Variants in GNG12 observed in about 807,000 individuals in gnomAD.
GNG12 encodes the protein G protein subunit gamma 12.
For synonymous variants in GNG12, 28 were observed against 29.7 expected, an observed-to-expected ratio of 0.94 and a Z score of 0.19; for missense variants, 69 against 83.8, an observed-to-expected ratio of 0.82 and a Z score of 0.69.
At chr1:67,745,939 C>A (rs1646504813) in intron 2 of GNG12, among the ~76,000 whole-genome samples, 1 of 152,146 alleles carries the variant, frequency 6.6e-6, no homozygotes, top group Non-Finnish European at 1.5e-5. Context: ...TACTTATTGA[C>A]CGAATTTGTG....
At chr1:67,712,818 C>T in intron 2 of GNG12, among the ~76,000 whole-genome samples, 1 of 147,796 alleles carries the variant, frequency 6.8e-6, no homozygotes, top group East Asian at 2.0e-4. Flanking sequence ...AGTGAATGCT[C>T]TACCATGTGG....
intron 1 of GNG12, among the ~76,000 whole-genome samples, chr1:67,820,596 TTAC>T (rs1172006275): frequency 6.6e-6 from 1 of 152,190 alleles, no homozygotes; most frequent in Non-Finnish European, 1.5e-5. Flanking sequence ...CAATGTGGTA[TTAC>T]CAGAGGCTGT....
chr1:67,763,106 A>AGAGAGG lies in GNG12; in HGVS notation c.-27+14351_-27+14352insCCTCTC, dbSNP rs1553157331. Among the ~76,000 whole-genome samples the AGAGAGG allele has an allele frequency of 6.1e-3, 922 of 151,174 alleles. 11 individuals carry two copies. The highest frequency in any genetic ancestry group is 0.021 in the African/African-American group (880 of 41,062). On this transcript the variant is annotated intron_variant, in intron 2 of 3. Transcript: ENST00000370982. ...ACCCTCCCAGGAGAGAGAGAGAGAG[A>AGAGAGG]GAGAGAGAGAGAGAATCAATATGAA...
intron 1 of GNG12, among the ~76,000 whole-genome samples, chr1:67,806,594 G>C (rs1444573845): frequency 6.6e-6 from 1 of 151,958 alleles, no homozygotes; most frequent in Non-Finnish European, 1.5e-5. Context: ...TAAAGGGATA[G>C]AGAAAGACAT....
chr1:67,787,049 G>A (rs183828817), intron 1 of GNG12, among the ~76,000 whole-genome samples: 1 of 149,280 alleles, frequency 6.7e-6, no homozygotes, highest in Non-Finnish European at 1.5e-5. Flanking sequence ...GTGTGTGTGT[G>A]TGTGTGTGTG....
chr1:67,790,956 A>G (rs1646798865), intron 1 of GNG12, among the ~76,000 whole-genome samples: 1 of 152,136 alleles, frequency 6.6e-6, no homozygotes, highest in African/African-American at 2.4e-5. Flanking sequence ...TCCCACAAGG[A>G]TTATTTCTTT....
intron 1 of GNG12, among the ~76,000 whole-genome samples, chr1:67,812,859 T>C (rs17130309): frequency 0.33 from 49,631 of 152,154 alleles, 8,337 homozygotes; most frequent in Middle Eastern, 0.5. Flanking sequence ...CTGTCCTTCA[T>C]TGCAGAACGT....
At chr1:67,713,191 T>C (rs1490463095) in intron 2 of GNG12, among the ~76,000 whole-genome samples, 1 of 152,230 alleles carries the variant, frequency 6.6e-6, no homozygotes, top group Non-Finnish European at 1.5e-5. Context: ...CTGCAGATCT[T>C]GAGCCACCAA....
intron 2 of GNG12, among the ~76,000 whole-genome samples, chr1:67,769,816 ACACACT>A (rs3835468): frequency 0.1 from 15,863 of 151,984 alleles, 905 homozygotes; most frequent in African/African-American, 0.15. Context: ...GCACGCACAC[ACACACT>A]CACACTCACA....
At chr1:67,738,498 C>G (rs1378080212) in intron 2 of GNG12, among the ~76,000 whole-genome samples, 1 of 152,214 alleles carries the variant, frequency 6.6e-6, no homozygotes, top group Non-Finnish European at 1.5e-5. Flanking sequence ...CTCTGTTTAT[C>G]TCCAGCTTCA....
At chr1:67,807,567 G>A (rs1646900796) in intron 1 of GNG12, among the ~76,000 whole-genome samples, 1 of 151,634 alleles carries the variant, frequency 6.6e-6, no homozygotes, top group South Asian at 2.1e-4. Context: ...AAATTGATAA[G>A]CATCTAGTGA....
intron 2 of GNG12, among the ~76,000 whole-genome samples, chr1:67,747,241 T>A (rs149429935): frequency 4.9e-3 from 751 of 152,316 alleles, no homozygotes; most frequent in Middle Eastern, 0.024. Context: ...TGCCTCAATC[T>A]CCTGAGTAGC....
rs536363463 is a variant in GNG12 at position 67,702,597 on chromosome 1, C to T, written c.*2854G>A. On this transcript the variant is annotated 3_prime_UTR_variant, in exon 4 of 4. Transcript: ENST00000370982. The stretch of plus-strand genomic sequence containing the variant: ...AAGGTAAATGATTTTAAAAACCTGA[C>T]ATTTTTTAGAAGAAAAAAAAAAACT... 52 of 150,176 alleles carry T rather than the reference C, an allele frequency of 3.5e-4. No homozygotes were observed. The highest frequency in any genetic ancestry group is 1.0e-3 in the African/African-American group (41 of 40,502). The allele number at this position is 150,176 out of a possible 1,614,324, so 9.3% of individuals were successfully genotyped here. A position where few individuals can be genotyped will look rare whatever the true frequency, so the allele number is the denominator to read the frequency against.
intron 2 of GNG12, among the ~76,000 whole-genome samples, chr1:67,736,409 C>A (rs953705948): frequency 1.1e-4 from 16 of 152,190 alleles, no homozygotes; most frequent in African/African-American, 3.6e-4. Flanking sequence ...CCAGAACCCA[C>A]ACCACAGCAC....
intron 1 of GNG12, among the ~76,000 whole-genome samples, chr1:67,831,186 T>C (rs1272922908): frequency 2.0e-5 from 3 of 152,170 alleles, no homozygotes. Context: ...TAAGCTGACA[T>C]AAAACTCCAA....
At chr1:67,806,140 A>C (rs1359946856) in intron 1 of GNG12, among the ~76,000 whole-genome samples, 1 of 152,172 alleles carries the variant, frequency 6.6e-6, no homozygotes, top group Admixed American at 6.6e-5. Flanking sequence ...AGAAATGTTA[A>C]AAGAAGTTCT....
intron 1 of GNG12, among the ~76,000 whole-genome samples, chr1:67,817,346 G>C (rs147356679): frequency 6.0e-4 from 91 of 152,260 alleles, no homozygotes; most frequent in African/African-American, 2.0e-3. Context: ...TTGTGAAGTA[G>C]GTAAGTACTG....
At chr1:67,808,604 G>A (rs1484808968) in intron 1 of GNG12, among the ~76,000 whole-genome samples, 2 of 152,116 alleles carry the variant, frequency 1.3e-5, no homozygotes, top group African/African-American at 2.4e-5. Flanking sequence ...TAGCAAGGCT[G>A]TAAAATACAA....
intron 2 of GNG12, among the ~76,000 whole-genome samples, chr1:67,767,250 T>C (rs1646646049): frequency 6.6e-6 from 1 of 152,290 alleles, no homozygotes; most frequent in East Asian, 1.9e-4. Context: ...GTGTGCTGGC[T>C]CTGGGTCTCT....
Sources: gnomAD v4.1 joint callset for allele counts (sites outside exome capture counted in the v4.1 genomes callset) on GRCh38, gnomAD v4.1.1 for gene constraint, MANE v1.5 for transcripts, NCBI Gene and HGNC (gene_info 2026-07-23, HGNC 2026-07-21) for gene names.